Variants in DNAH3 observed in about 807,000 individuals in gnomAD.
DNAH3 encodes axonemal beta dynein heavy chain 3.
A neutral mutation model predicts 432.5 loss-of-function variants in DNAH3; 332 were observed. The ratio of observed to expected loss-of-function variants is 0.77; its 90% confidence interval spans 0.70 to 0.84. The LOEUF is 0.84. Among genes scored for constraint, DNAH3 ranks in the 40% least tolerant of loss-of-function variants. The pLI is 0.00. For synonymous variants in DNAH3, 1,956 were observed against 1,900.2 expected (o/e 1.03, Z -0.76); for missense variants, 4,861 against 5,114.0 (o/e 0.95, Z 1.51).
chr16:20,975,674 T>G (rs8063552), intron 50 of DNAH3, among the ~76,000 whole-genome samples: 3,836 of 152,328 alleles, frequency 0.025, 76 homozygotes, highest in Non-Finnish European at 0.04. Context: ...AAATCTTTTT[T>G]AAAAACCGTT....
intron 21 of DNAH3, among the ~76,000 whole-genome samples, chr16:21,073,505 C>A (rs1457043226): frequency 1.3e-5 from 2 of 149,404 alleles, no homozygotes; most frequent in Non-Finnish European, 3.0e-5. Flanking sequence ...TCCCTCTCAT[C>A]AGATCATGTA....
intron 41 of DNAH3, among the ~76,000 whole-genome samples, chr16:21,018,222 C>T (rs1054388037): frequency 6.6e-6 from 1 of 152,136 alleles, no homozygotes; most frequent in Non-Finnish European, 1.5e-5. Context: ...ATTACTATCT[C>T]CCCTAGAAGT....
chr16:21,156,162 C>CTTATT (rs150133557), intron 1 of DNAH3, among the ~76,000 whole-genome samples: 5,576 of 144,676 alleles, frequency 0.039, 128 homozygotes, highest in Middle Eastern at 0.12. Context: ...GGGAGTTATT[C>CTTATT]TTATTTTATT....
chr16:21,102,682 C>T (rs1461808734), intron 16 of DNAH3, among the ~76,000 whole-genome samples: 2 of 152,038 alleles, frequency 1.3e-5, no homozygotes, highest in Non-Finnish European at 2.9e-5. Context: ...AACAAACCTG[C>T]ACATGTACTC....
chr16:21,067,515 T>C, intron 23 of DNAH3, 96 bp from the exon 24 acceptor site: 1 of 1,362,682 alleles, frequency 7.3e-7, no homozygotes, highest in Non-Finnish European at 1.0e-6. Flanking sequence ...CTGACAGCAC[T>C]CCTTGTCCAG....
intron 25 of DNAH3, among the ~76,000 whole-genome samples, chr16:21,062,142 CCTGT>C (rs2090380895): frequency 6.6e-6 from 1 of 152,192 alleles, no homozygotes; most frequent in South Asian, 2.1e-4. Context: ...CAGGAAGCTA[CCTGT>C]CTAACTGAAT....
intron 7 of DNAH3, among the ~76,000 whole-genome samples, chr16:21,128,726 G>A (rs963974387): frequency 3.3e-5 from 5 of 151,260 alleles, no homozygotes; most frequent in Non-Finnish European, 5.9e-5. Flanking sequence ...GGGTGTGGTG[G>A]TGCACACCTG....
At chr16:21,051,320 G>A (rs987503685) in intron 29 of DNAH3, among the ~76,000 whole-genome samples, 3 of 152,132 alleles carry the variant, frequency 2.0e-5, no homozygotes, top group South Asian at 2.1e-4. Flanking sequence ...CCTTGGCTAC[G>A]TTCTTGACCT....
chr16:21,140,473 A>T, intron 5 of DNAH3, 63 bp downstream of exon 6: 1 of 1,527,936 alleles, frequency 6.5e-7, no homozygotes, highest in Non-Finnish European at 9.0e-7. Context: ...CTGAATTTAG[A>T]ATCACTGAGA....
chr16:21,152,488 C>A (rs1199331708), intron 1 of DNAH3, among the ~76,000 whole-genome samples: 1 of 152,272 alleles, frequency 6.6e-6, no homozygotes, highest in Non-Finnish European at 1.5e-5. Context: ...TGGGCTCCCA[C>A]TTTGGCGGCA....
At chr16:21,038,183 G>A (rs1789190850) in intron 33 of DNAH3, among the ~76,000 whole-genome samples, 2 of 152,222 alleles carry the variant, frequency 1.3e-5, no homozygotes, top group East Asian at 1.9e-4. Flanking sequence ...GAACATATAT[G>A]TATAACATGT....
rs2088447304 is a variant in DNAH3 at position 21,024,682 on chromosome 16, C to A, written c.5560G>T (p.Glu1854Ter). Residue 1854 changes from glutamate (E) to a stop codon, truncating the protein, a stop_gained, in exon 39 of 62, where the codon GAG (glutamate) becomes TAG (stop). Coordinates refer to ENST00000261383, the Ensembl canonical transcript of DNAH3. LOFTEE classifies it high-confidence loss of function. ...GGCTTCCAGCCTAGTTGATGGGGCT[C>A]CATGTAGATCATCCCACACCTGGGA... is the stretch of plus-strand genomic sequence containing the variant. The A allele has an allele frequency of 6.2e-7, 1 of 1,613,638 alleles. No homozygotes were observed. The highest frequency in any genetic ancestry group is 1.7e-5 in the Admixed American group (1 of 59,962).
intron 44 of DNAH3, among the ~76,000 whole-genome samples, chr16:20,992,170 T>A (rs1458063875): frequency 6.6e-6 from 1 of 152,018 alleles, no homozygotes; most frequent in African/African-American, 2.4e-5. Flanking sequence ...TATATTTAGA[T>A]AAATTTCAAT....
At chr16:21,035,278 G>A (rs1327243646) in intron 35 of DNAH3, among the ~76,000 whole-genome samples, 1 of 152,188 alleles carries the variant, frequency 6.6e-6, no homozygotes, top group African/African-American at 2.4e-5. Flanking sequence ...AGTGAGCTGA[G>A]ATCACGTCAC....
intron 1 of DNAH3, among the ~76,000 whole-genome samples, chr16:21,154,956 T>TC (rs1454415237): frequency 1.3e-5 from 2 of 150,728 alleles, no homozygotes; most frequent in South Asian, 2.1e-4. Context: ...TCTTTCTTTT[T>TC]TTTTTTTTTT....
chr16:21,029,380 T>C (rs2088754757), intron 37 of DNAH3, among the ~76,000 whole-genome samples: 1 of 152,242 alleles, frequency 6.6e-6, no homozygotes, highest in South Asian at 2.1e-4. Context: ...GAAGGAATTC[T>C]TCCTTGAGAT....
intron 54 of DNAH3, among the ~76,000 whole-genome samples, chr16:20,955,322 G>A (rs2084513048): frequency 6.6e-6 from 1 of 152,140 alleles, no homozygotes; most frequent in Non-Finnish European, 1.5e-5. Flanking sequence ...ACAGCCACCT[G>A]ATGAGGAGGG....
At chr16:20,966,014 ATTTTTTTTT>A (rs555983378) in intron 52 of DNAH3, among the ~76,000 whole-genome samples, 21 of 48,356 alleles carry the variant, frequency 4.3e-4, no homozygotes, top group African/African-American at 6.6e-4. Flanking sequence ...TGCCCAGCCA[ATTTTTTTTT>A]TTTTTTTTTT....
chr16:20,974,413 A>T (rs1597015696), intron 51 of DNAH3, among the ~76,000 whole-genome samples: 1 of 151,384 alleles, frequency 6.6e-6, no homozygotes, highest in East Asian at 2.0e-4. Flanking sequence ...AGGTGGGAGG[A>T]TCACTTGAGT....
Sources: gnomAD v4.1 joint callset for allele counts (sites outside exome capture counted in the v4.1 genomes callset) on GRCh38, gnomAD v4.1.1 for gene constraint, MANE v1.5 for transcripts, NCBI Gene and HGNC (gene_info 2026-07-23, HGNC 2026-07-21) for gene names.